ACP2: variants seen among roughly 807,000 people sequenced by gnomAD.
ACP2 encodes the protein lysosomal acid phosphatase.
A neutral mutation model predicts 54.7 loss-of-function variants in ACP2; 35 were observed. The ratio of observed to expected loss-of-function variants is 0.64; its 90% CI spans 0.49 to 0.85. ACP2 has a LOEUF of 0.85. Among genes scored for constraint, ACP2 ranks in the 40% least tolerant of loss-of-function variants. The pLI is 0.00. For missense variants in ACP2, 492 were observed against 565.0 expected (o/e 0.87, Z 1.31); for synonymous variants, 210 against 224.4 (o/e 0.94, Z 0.57).
chr11:47,245,183 C>G lies in ACP2; in HGVS notation c.639+122G>C, dbSNP rs190450604. The G allele has an allele frequency of 4.2e-5, 48 of 1,136,056 alleles. No individual in the cohort carries two copies. In the East Asian group the frequency reaches 7.5e-4, roughly 18 times the overall value. 70.4% of individuals were successfully genotyped at this position (1,136,056 alleles called of 1,614,324 possible). ...GAGGGAAGTTCCCGTGTTTCACAAG[C>G]ACAGCCTCCCTGGACCTCCCCAGGG... On this transcript the variant is annotated intron_variant, in intron 6 of 10. Transcript: ENST00000672073.
At chr11:47,245,900 T>A (rs1954060787) in intron 3 of ACP2, 66 bp from the exon 4 acceptor site, 1 of 1,323,630 alleles carries the variant, frequency 7.6e-7, no homozygotes, top group South Asian at 1.5e-5. Context: ...GAAGTTTTGG[T>A]CACCCTGAAG....
At position 47,245,814 on chromosome 11, in the gene ACP2, G is replaced by C; in HGVS notation, c.318C>G (p.Asp106Glu). The change falls in exon 4 of 11, where the codon GAC (aspartate) becomes GAG (glutamate). Residue 106 changes from aspartate (D) to glutamate (E), a missense_variant. Coordinates refer to ENST00000672073, the MANE Select transcript of ACP2 (RefSeq NM_001610.4). ...CAGCACTCATGAGAGTCCGGTCAAA[G>C]TCTGTGCTTCGCACATAAACCTGCA... ...HRQEVYVRST[D>E]FDRTLMSAEA... 7 of 1,587,188 alleles carry C rather than the reference G, an allele frequency of 4.4e-6. No individual in the cohort carries two copies. The highest frequency in any genetic ancestry group is 6.0e-6 in the Non-Finnish European group (7 of 1,165,660).
At chr11:47,246,305 G>C (rs957473837) in intron 3 of ACP2, among the ~76,000 whole-genome samples, 6 of 152,224 alleles carry the variant, frequency 3.9e-5, no homozygotes, top group African/African-American at 1.4e-4. Context: ...GCTGGGCCTG[G>C]TGGCTCACAC....
intron 7 of ACP2, 78 bp downstream of exon 7, chr11:47,244,657 T>C (rs905504278): frequency 2.5e-6 from 3 of 1,179,016 alleles, no homozygotes; most frequent in South Asian, 1.7e-5. Flanking sequence ...GAGGGAAGTG[T>C]GTGAGAAGCC....
chr11:47,241,002 A>C (rs1811007148), intron 10 of ACP2, among the ~76,000 whole-genome samples: 1 of 152,206 alleles, frequency 6.6e-6, no homozygotes, highest in Non-Finnish European at 1.5e-5. Context: ...GACGAAGGGC[A>C]AAAGGCCCAG....
rs185548486 is a variant in ACP2, at chr11:47,245,038, A to T, written c.640-171T>A. 4.0e-5 allele frequency: 52 copies of T among 1,291,108 alleles called. No homozygotes were observed. In the African/African-American group the frequency reaches 6.3e-4, roughly 16 times the overall value. The allele number at this position is 1,291,108 out of a possible 1,614,324, so 80.0% of individuals were successfully genotyped here. On this transcript the variant is annotated intron_variant, in intron 6 of 10. Transcript: ENST00000672073. ...AGGCGGTGTGGATGCTTCAGGGCAC[A>T]GGAAAGGAAGCTCAGGCACAAAAAG... is the stretch of plus-strand genomic sequence containing the variant.
At position 47,248,671 on chromosome 11, in the gene ACP2, A is replaced by G. The variant is rs767915526; in HGVS notation, c.114+5T>C. The G allele has an allele frequency of 3.7e-6, 6 of 1,608,890 alleles. No homozygotes were observed. The highest frequency in any genetic ancestry group is 1.3e-5 in the African/African-American group (1 of 74,946). On this transcript the variant is annotated splice_donor_5th_base_variant and intron_variant, in intron 1 of 10. Transcript: ENST00000672073. ...GAAGTCTTTGGTGAGCCCATCTCTC[A>G]TTACCAAGGTAACGAAGCGCAGACT... is the stretch of plus-strand genomic sequence containing the variant.
chr11:47,248,564 C>A (rs1486840138), intron 1 of ACP2, 112 bp downstream of exon 1: 1 of 1,551,714 alleles, frequency 6.4e-7, no homozygotes, highest in Non-Finnish European at 8.7e-7. Context: ...ACTACCCAGG[C>A]CAGTCGTCCC....
chr11:47,244,736 C>T lies in ACP2; in HGVS notation c.771G>A (p.Gly257=), dbSNP rs1165941784. The T allele has an allele frequency of 6.2e-6, 10 of 1,603,146 alleles. No homozygotes were observed. The highest frequency in any genetic ancestry group is 8.5e-6 in the Non-Finnish European group (10 of 1,173,076). ...YQQAEKARLQ[G]GVLLAQIRKN... ...TGACACGCTGTCCTTGTCACTCACCCCCCTGAAGCCGGGCCTTCTCCGCCT... is the reference window on the plus strand; with the variant it reads ...TGACACGCTGTCCTTGTCACTCACCTCCCTGAAGCCGGGCCTTCTCCGCCT... The change falls in exon 7 of 11, where the codon GGG becomes GGA. Residue 257 remains glycine, a splice_region_variant and synonymous_variant. Transcript: ENST00000672073.
intron 10 of ACP2, 59 bp downstream of exon 10, chr11:47,242,664 G>A: frequency 6.4e-7 from 1 of 1,562,528 alleles, no homozygotes; most frequent in Non-Finnish European, 8.7e-7. Context: ...TGAGATGCGT[G>A]GATGTGAACT....
rs1554977125 is a variant in ACP2 at position 47,245,885 on chromosome 11, T to TGTGTG, written c.298-52_298-51insCACAC. ...GTGTGTGTGTGTGTGTGTGTGTGTG[T>TGTGTG]TGGGGAAGTTTTGGTCACCCTGAAG... On this transcript the variant is annotated intron_variant, in intron 3 of 10. Transcript: ENST00000672073. 1.8e-4 allele frequency: 273 copies of TGTGTG among 1,498,648 alleles called. 1 individual carries two copies. Among genetic ancestry groups the TGTGTG allele is most frequent in the Admixed American group, 1.6e-3 (68 of 43,386 alleles). 92.8% of individuals were successfully genotyped at this position (1,498,648 alleles called of 1,614,324 possible). A position where few individuals can be genotyped will look rare whatever the true frequency, so the allele number is the denominator to read the frequency against.
chr11:47,242,402 C>T (rs569432129), intron 10 of ACP2, among the ~76,000 whole-genome samples: 3 of 152,246 alleles, frequency 2.0e-5, no homozygotes, highest in East Asian at 1.9e-4. Context: ...GAAGCAGAGG[C>T]GTCAGAGCTC....
chr11:47,244,853 C>A lies in ACP2; in HGVS notation c.654G>T (p.Leu218=), dbSNP rs112771877. ...DTLFCEQTHG[L]RLPPWASPQT... The stretch of plus-strand genomic sequence containing the variant: ...GGGGTGAGGCCCAGGGCGGCAGGCG[C>A]AGCCCGTGCGTTTGCTGTGTATCGC... The change falls in exon 7 of 11, where the codon CTG becomes CTT. Residue 218 remains leucine (L), a synonymous_variant. Transcript: ENST00000672073. 1 of 1,608,792 alleles carries A rather than the reference C, an allele frequency of 6.2e-7. No individual in the cohort carries two copies.
At chr11:47,240,315 A>C in intron 10 of ACP2, 66 bp from the exon 11 acceptor site, 1 of 828,154 alleles carries the variant, frequency 1.2e-6, no homozygotes, top group South Asian at 1.4e-5. Flanking sequence ...TACTGTTCTG[A>C]CATATAGGAG....
chr11:47,245,857 C>CGTGT (rs58712815), intron 3 of ACP2, 23 bp from the exon 4 acceptor site: 141,392 of 1,468,056 alleles, frequency 0.096, 830 homozygotes, highest in Non-Finnish European at 0.1. Context: ...CAACACAAGT[C>CGTGT]GTGTGTGTGT....
In ACP2 at chr11:47,245,552, G is replaced by A; in HGVS notation, c.471C>T (p.Gly157=). The change falls in exon 5 of 11, where the codon GGC becomes GGT. Residue 157 remains glycine (G), a synonymous_variant. Transcript: ENST00000672073. The stretch of plus-strand genomic sequence containing the variant: ...GCAGCTGCTCATAACGGGGACATGG[G>A]CCCAACGGGAACTTCAGCAGCTGTA... The part of the protein sequence containing the change: ...TEDRLLKFPL[G]PCPRYEQLQN... 1 of 1,614,246 alleles carries A rather than the reference G, an allele frequency of 6.2e-7. No individual in the cohort carries two copies.
intron 4 of ACP2, 47 bp from the exon 5 acceptor site, chr11:47,245,619 A>C (rs1273707438): frequency 1.1e-5 from 18 of 1,614,220 alleles, no homozygotes; most frequent in Non-Finnish European, 1.4e-5. Context: ...GGAGCCTGGC[A>C]TCAGCAGGCC....
rs999800869 is a variant in ACP2 at position 47,244,667 on chromosome 11, C to T, written c.772+68G>A. 2.7e-5 allele frequency: 35 copies of T among 1,284,804 alleles called. No homozygotes were observed. The Admixed American group carries it at 6.4e-4, about 24-fold the overall frequency. The allele number at this position is 1,284,804 out of a possible 1,614,324, so 79.6% of individuals were successfully genotyped here. A position where few individuals can be genotyped will look rare whatever the true frequency, so the allele number is the denominator to read the frequency against. On this transcript the variant is annotated intron_variant, in intron 7 of 10. Coordinates refer to ENST00000672073, the MANE Select transcript of ACP2 (RefSeq NM_001610.4). ...GTAGAGAGGGAAGTGTGTGAGAAGC[C>T]CCCACAGCAGATTTTTAACGCCTTA...
At chr11:47,244,054 T>A (rs2135530114) in intron 7 of ACP2, among the ~76,000 whole-genome samples, 1 of 152,184 alleles carries the variant, frequency 6.6e-6, no homozygotes, top group East Asian at 1.9e-4. Flanking sequence ...GGAGAATCGC[T>A]TGAACCTGGG....
Sources: gnomAD v4.1 joint callset for allele counts (sites outside exome capture counted in the v4.1 genomes callset) on GRCh38, gnomAD v4.1.1 for gene constraint, MANE v1.5 for transcripts, NCBI Gene and HGNC (gene_info 2026-07-23, HGNC 2026-07-21) for gene names.